Variants in MROH9 observed in about 807,000 individuals in gnomAD.
MROH9 encodes the protein maestro heat like repeat family member 9, also known as maestro heat-like repeat-containing protein family member 9.
MROH9 carries 92 observed loss-of-function variants against 98.2 expected under a neutral mutation model. The observed-to-expected ratio is 0.94, with a 90% confidence interval of 0.79 to 1.11. MROH9 has a LOEUF of 1.11. MROH9 is among the 50% of genes most tolerant of loss of function. The pLI, the probability that MROH9 is intolerant of heterozygous loss-of-function variation, is 0.00. For synonymous variants in MROH9, 397 were observed against 368.9 expected (o/e 1.08, Z -0.87); for missense variants, 1,057 against 1,014.8 (o/e 1.04, Z -0.57).
At chr1:170,970,763 A>AGAGG (rs1202688847) in intron 7 of MROH9, among the ~76,000 whole-genome samples, 7 of 150,228 alleles carry the variant, frequency 4.7e-5, no homozygotes, top group African/African-American at 1.7e-4. Context: ...AGAGAGAGAG[A>AGAGG]GAGAGACAGA....
intron 20 of MROH9, among the ~76,000 whole-genome samples, chr1:171,037,876 C>T (rs764297045): frequency 6.6e-6 from 1 of 151,930 alleles, no homozygotes; most frequent in Non-Finnish European, 1.5e-5. Flanking sequence ...ACCTGCTGAG[C>T]CATCTGGAAT....
At chr1:170,977,513 C>G (rs980065334) in intron 8 of MROH9, among the ~76,000 whole-genome samples, 1 of 152,106 alleles carries the variant, frequency 6.6e-6, no homozygotes, top group African/African-American at 2.4e-5. Context: ...GTTGTTGAAG[C>G]TTTAGGGTGT....
intron 10 of MROH9, among the ~76,000 whole-genome samples, chr1:170,988,749 C>T (rs191156320): frequency 3.9e-5 from 6 of 152,258 alleles, no homozygotes; most frequent in Admixed American, 2.0e-4. Flanking sequence ...GGCTTATAAT[C>T]TCTAAATAAT....
chr1:171,059,646 T>C (rs1653952641), intron 20 of MROH9, among the ~76,000 whole-genome samples: 1 of 152,170 alleles, frequency 6.6e-6, no homozygotes, highest in South Asian at 2.1e-4. Flanking sequence ...TCATCAATGA[T>C]AGACTGGATA....
chr1:171,001,055 C>A (rs1651767207), intron 15 of MROH9, among the ~76,000 whole-genome samples: 1 of 151,972 alleles, frequency 6.6e-6, no homozygotes, highest in African/African-American at 2.4e-5. Flanking sequence ...CTTGAAGGAT[C>A]TTTTGTATCT....
In MROH9 at chr1:170,998,353, G is replaced by A. The variant is rs200484356; in HGVS notation, c.1596+79G>A. 396 of 1,611,858 alleles carry A rather than the reference G, an allele frequency of 2.5e-4. 1 individual carries two copies. The South Asian group carries it at 3.0e-3, about 12-fold the overall frequency. On this transcript the variant is annotated intron_variant, in intron 15 of 21. Coordinates refer to ENST00000367759, the MANE Select transcript of MROH9 (RefSeq NM_001163629.2). ...ATTTAAATCAAAATTCCAGTTTCTC[G>A]TATCTCTCCCTCTGAATGTTGGTTC...
chr1:170,976,539 G>A (rs946623141), intron 8 of MROH9, among the ~76,000 whole-genome samples: 1 of 152,072 alleles, frequency 6.6e-6, no homozygotes, highest in African/African-American at 2.4e-5. Context: ...TTGAGGCCAG[G>A]AGTTTGAAAC....
At chr1:170,964,835 G>A (rs575943767) in intron 6 of MROH9, among the ~76,000 whole-genome samples, 1 of 152,068 alleles carries the variant, frequency 6.6e-6, no homozygotes, top group African/African-American at 2.4e-5. Context: ...AAAAAGAGGA[G>A]GCAAAGCAGC....
intron 11 of MROH9, among the ~76,000 whole-genome samples, chr1:170,990,870 T>C (rs73036102): frequency 0.012 from 1,791 of 152,266 alleles, 26 homozygotes; most frequent in African/African-American, 0.034. Context: ...TGAAAGGGCA[T>C]TGAAATAAAC....
At chr1:170,984,815 C>G (rs949212767) in intron 9 of MROH9, among the ~76,000 whole-genome samples, 3 of 152,142 alleles carry the variant, frequency 2.0e-5, no homozygotes, top group Admixed American at 6.6e-5. Flanking sequence ...CATGCGGGAA[C>G]AGTAGCTGGA....
chr1:170,984,236 G>A (rs578193352), intron 9 of MROH9, among the ~76,000 whole-genome samples: 1 of 152,270 alleles, frequency 6.6e-6, no homozygotes, highest in East Asian at 1.9e-4. Context: ...CTCATCTCTT[G>A]GGGTGGGAGG....
intron 14 of MROH9, among the ~76,000 whole-genome samples, 166 bp downstream of exon 14, chr1:170,996,810 G>A (rs532530942): frequency 2.6e-5 from 4 of 152,032 alleles, no homozygotes; most frequent in Admixed American, 6.6e-5. Flanking sequence ...ATTTTGAAGC[G>A]TTTTTATTTG....
rs1474815272 is a variant in MROH9 at position 171,064,591 on chromosome 1, T to A, written c.*251T>A. On this transcript the variant is annotated 3_prime_UTR_variant, in exon 22 of 22. Coordinates refer to ENST00000367759, the MANE Select transcript of MROH9 (RefSeq NM_001163629.2). ...AGAAGCCCTATTTCATCAAAACCAC[T>A]AAGACAATTGAAAATAACATAAGCA... The A allele has an allele frequency of 2.8e-6, 1 of 363,426 alleles. No individual in the cohort carries two copies. The highest frequency in any genetic ancestry group is 4.9e-6 in the Non-Finnish European group (1 of 205,598). 22.5% of individuals were successfully genotyped at this position (363,426 alleles called of 1,614,324 possible).
chr1:170,973,576 A>T (rs979020223), intron 8 of MROH9, among the ~76,000 whole-genome samples: 2 of 152,124 alleles, frequency 1.3e-5, no homozygotes, highest in Admixed American at 6.5e-5. Context: ...CTGAAATCCA[A>T]TTTAAAAAAA....
At chr1:170,951,032 A>G (rs1649533742) in intron 3 of MROH9, among the ~76,000 whole-genome samples, 1 of 152,052 alleles carries the variant, frequency 6.6e-6, no homozygotes, top group Non-Finnish European at 1.5e-5. Flanking sequence ...GAATAAATTG[A>G]AAGATGTCTT....
intron 20 of MROH9, among the ~76,000 whole-genome samples, chr1:171,053,379 T>TAAAC (rs1332445045): frequency 2.0e-5 from 3 of 152,070 alleles, no homozygotes; most frequent in Admixed American, 6.5e-5. Context: ...GGAGAAAGAG[T>TAAAC]AAACAGGAAA....
intron 8 of MROH9, among the ~76,000 whole-genome samples, chr1:170,975,158 C>T (rs1650632518): frequency 6.6e-6 from 1 of 151,906 alleles, no homozygotes; most frequent in Non-Finnish European, 1.5e-5. Context: ...CTAAATACCC[C>T]AAGTAAAAAG....
chr1:170,999,578 T>G (rs1431533959), intron 15 of MROH9, among the ~76,000 whole-genome samples: 2 of 152,132 alleles, frequency 1.3e-5, no homozygotes, highest in Non-Finnish European at 2.9e-5. Context: ...ACTCATTGAT[T>G]GATGGGCATT....
intron 15 of MROH9, among the ~76,000 whole-genome samples, chr1:171,005,254 G>A (rs1486522726): frequency 1.3e-5 from 2 of 151,966 alleles, no homozygotes; most frequent in South Asian, 2.1e-4. Flanking sequence ...TAGTAGAGAT[G>A]GGTTTTGGGT....
Sources: allele counts gnomAD v4.1 joint callset (sites outside exome capture counted in the v4.1 genomes callset), GRCh38; gene constraint gnomAD v4.1.1; transcripts MANE v1.5; gene names NCBI Gene and HGNC (gene_info 2026-07-23, HGNC 2026-07-21).